BCR: variants seen among roughly 807,000 people sequenced by gnomAD.
The protein encoded by BCR is BCR activator of RhoGEF and GTPase, also known as breakpoint cluster region protein.
In BCR, 58 loss-of-function variants were observed where a neutral mutation model predicts 138.6. The observed-to-expected ratio is 0.42, with a 90% CI of 0.34 to 0.52. The LOEUF is 0.52. Ranked by LOEUF, BCR falls within the 20% of genes least tolerant of loss-of-function variation. The pLI, the probability that BCR is intolerant of heterozygous loss-of-function variation, is 0.06. For missense variants in BCR, 1,599 were observed against 1,727.2 expected (o/e 0.93, Z 1.32); for synonymous variants, 786 against 730.1 (o/e 1.08, Z -1.23).
intron 1 of BCR, among the ~76,000 whole-genome samples, chr22:23,224,613 A>G (rs2072866279): frequency 6.6e-6 from 1 of 152,166 alleles, no homozygotes; most frequent in Non-Finnish European, 1.5e-5. Context: ...CGGGGGCTGT[A>G]GCTCACGCCT....
chr22:23,297,204 G>GTTTTTTTTTTTTTTTTTTTTT (rs1568979500), intron 16 of BCR, among the ~76,000 whole-genome samples: 1 of 124,184 alleles, frequency 8.1e-6, no homozygotes, highest in African/African-American at 3.5e-5. Flanking sequence ...GCCTGGCTAA[G>GTTTTTTTTTTTTTTTTTTTTT]TTGTTTTTTG....
rs530202950 is a variant in BCR, at chr22:23,248,388, G to C, written c.1280-5411G>C. ...ATCAGTTATTTTGGGTACATAACTA[G>C]GAGTAGAATTGCTGGATCATGTGGT... On this transcript the variant is annotated intron_variant, in intron 1 of 22. Transcript: ENST00000305877. Among the ~76,000 whole-genome samples, 3 of 151,980 alleles carry C rather than the reference G, an allele frequency of 2.0e-5. No individual in the cohort carries two copies. In the South Asian group the frequency reaches 6.2e-4, roughly 32 times the overall value.
intron 22 of BCR, 49 bp downstream of exon 22, chr22:23,314,763 G>C (rs1213321312): frequency 6.2e-7 from 1 of 1,601,410 alleles, no homozygotes; most frequent in Non-Finnish European, 8.5e-7. Flanking sequence ...TGACAGAGGT[G>C]GCCTCTGCCT....
intron 4 of BCR, chr22:23,263,256 C>G (rs2073392378): frequency 9.3e-7 from 1 of 1,074,898 alleles, no homozygotes. Context: ...GTGCTCCTAC[C>G]TCGACATGCG....
rs765208555 is a variant in BCR, at chr22:23,253,895, C to T, written c.1376C>T (p.Ser459Leu). The change falls in exon 2 of 23, where the codon TCG (serine) becomes TTG (leucine). Residue 459 changes from serine (S) to leucine (L), a missense_variant. This residue lies in a region of BCR where 590 missense variants were observed against 762.4 expected (regional missense o/e 0.77). Coordinates refer to ENST00000305877, the MANE Select transcript of BCR (RefSeq NM_004327.4). ...GATGGGCTGCCCTACATTGATGACT[C>T]GCCCTCCTCATCGCCCCACCTCAGC... Reference protein sequence around the residue: ...HQDGLPYIDDSPSSSPHLSSK... With the variant: ...HQDGLPYIDDLPSSSPHLSSK... 8.7e-6 allele frequency: 14 copies of T among 1,613,224 alleles called. No individual in the cohort carries two copies. Among genetic ancestry groups the T allele is most frequent in the South Asian group, 2.2e-5 (2 of 91,062 alleles).
At position 23,314,178 on chromosome 22, in the gene BCR, CCTTGTCTG is replaced by C. The variant is rs1471976857; in HGVS notation, c.3563+107_3563+114del. The C allele has an allele frequency of 5.4e-5, 50 of 927,886 alleles. No homozygotes were observed. In the African/African-American group the frequency reaches 7.2e-4, roughly 13 times the overall value. The allele number at this position is 927,886 out of a possible 1,614,324, so 57.5% of individuals were successfully genotyped here. ...AACACCGAGGACCTTTTCTCCTGAC[CCTTGTCTG>C]CAGTCACTCACTGCCTTTGGCGACT... On this transcript the variant is annotated intron_variant, in intron 21 of 22. Transcript: ENST00000305877.
At chr22:23,267,132 G>C (rs2146283032) in intron 4 of BCR, among the ~76,000 whole-genome samples, 1 of 152,316 alleles carries the variant, frequency 6.6e-6, no homozygotes, top group South Asian at 2.1e-4. Flanking sequence ...GCAGCGCCGT[G>C]TCTGAATTGT....
intron 1 of BCR, among the ~76,000 whole-genome samples, chr22:23,182,895 T>C (rs5751603): frequency 0.23 from 34,819 of 152,088 alleles, 4,495 homozygotes; most frequent in East Asian, 0.35. Flanking sequence ...ATGGAGATTT[T>C]ATCTGGGGGT....
intron 1 of BCR, among the ~76,000 whole-genome samples, chr22:23,226,596 G>A (rs373133697): frequency 6.6e-6 from 1 of 152,204 alleles, no homozygotes; most frequent in East Asian, 1.9e-4. Flanking sequence ...GCAAATTGCA[G>A]CTTAGTCCTG....
intron 1 of BCR, chr22:23,216,963 A>T (rs2072761337): frequency 2.4e-6 from 1 of 412,022 alleles, no homozygotes; most frequent in South Asian, 1.7e-5. Flanking sequence ...GTGTGTCGCA[A>T]GTCTTGCCCA....
chr22:23,255,020 C>T (rs925713981), intron 2 of BCR, among the ~76,000 whole-genome samples: 64 of 151,014 alleles, frequency 4.2e-4, no homozygotes, highest in African/African-American at 1.4e-3. Flanking sequence ...CAGAGCAAGA[C>T]CCTATCTTTA....
At chr22:23,204,471 A>G (rs1568932030) in intron 1 of BCR, among the ~76,000 whole-genome samples, 1 of 151,964 alleles carries the variant, frequency 6.6e-6, no homozygotes, top group African/African-American at 2.4e-5. Context: ...TTGTGATTCT[A>G]AATAAAATTA....
intron 1 of BCR, among the ~76,000 whole-genome samples, chr22:23,230,016 C>T (rs1303168351): frequency 1.3e-5 from 2 of 149,990 alleles, no homozygotes; most frequent in East Asian, 3.9e-4. Context: ...CCTTCCTGGG[C>T]TTTTGGTTAG....
At chr22:23,196,520 C>T (rs1195802352) in intron 1 of BCR, among the ~76,000 whole-genome samples, 3 of 152,136 alleles carry the variant, frequency 2.0e-5, no homozygotes, top group Non-Finnish European at 4.4e-5. Flanking sequence ...ATAGTCGTCT[C>T]TCGATATCCG....
chr22:23,308,435 A>T (rs131701), intron 16 of BCR, among the ~76,000 whole-genome samples: 33,055 of 151,884 alleles, frequency 0.22, 4,421 homozygotes, highest in East Asian at 0.59. Context: ...CCTCCCAAGT[A>T]GCTGGGACTA....
At chr22:23,296,712 C>T (rs966874547) in intron 16 of BCR, among the ~76,000 whole-genome samples, 3 of 152,192 alleles carry the variant, frequency 2.0e-5, no homozygotes, top group African/African-American at 4.8e-5. Context: ...GACGCTGAAG[C>T]GAGAGGATTG....
chr22:23,309,411 T>C lies in BCR; in HGVS notation c.3013-13T>C. ...CCCCAGGGCCTCTGCCAATCATGACTCCTTCCTTTCAGCTGGACCCGCAGG... is the reference window on the plus strand; with the variant it reads ...CCCCAGGGCCTCTGCCAATCATGACCCCTTCCTTTCAGCTGGACCCGCAGG... On this transcript the variant is annotated splice_polypyrimidine_tract_variant and intron_variant, in intron 16 of 22. Transcript: ENST00000305877. The C allele has an allele frequency of 6.3e-7, 1 of 1,589,128 alleles. No homozygotes were observed. Among genetic ancestry groups the C allele is most frequent in the African/African-American group, 1.3e-5 (1 of 74,606 alleles).
intron 1 of BCR, among the ~76,000 whole-genome samples, chr22:23,250,123 C>T (rs186589154): frequency 1.2e-4 from 19 of 152,350 alleles, no homozygotes; most frequent in Non-Finnish European, 1.9e-4. Context: ...CATGTGGCTT[C>T]GCACATGTGG....
chr22:23,199,651 C>T lies in BCR; in HGVS notation c.1279+17412C>T, dbSNP rs115413471. Among the ~76,000 whole-genome samples, 1,246 of 152,258 alleles carry T rather than the reference C, an allele frequency of 8.2e-3. 23 individuals carry two copies. The highest frequency in any genetic ancestry group is 0.028 in the African/African-American group (1,181 of 41,542). ...TGGTAGGACTGGGGTGCCCTGTCTC[C>T]TTTGTCCCCATGAGTGCAGGGGATA... On this transcript the variant is annotated intron_variant, in intron 1 of 22. Transcript: ENST00000305877.
Sources: allele counts gnomAD v4.1 joint callset (sites outside exome capture counted in the v4.1 genomes callset), GRCh38; gene constraint gnomAD v4.1.1; regional missense constraint gnomAD v4.1.1; transcripts MANE v1.5; gene names NCBI Gene and HGNC (gene_info 2026-07-23, HGNC 2026-07-21).